Variants in NBAS observed in about 807,000 individuals in gnomAD.
The protein encoded by NBAS is NBAS subunit of NRZ tethering complex.
Under a neutral mutation model 302.5 loss-of-function variants are expected in NBAS, and 219 were observed. The observed-to-expected ratio is 0.72, with a 90% CI of 0.65 to 0.81. The LOEUF is 0.81. Among genes scored for constraint, NBAS ranks in the 30% least tolerant of loss-of-function variants. The pLI is 0.00. For missense variants in NBAS, 2,932 were observed against 2,841.6 expected (o/e 1.03, Z -0.72); for synonymous variants, 1,118 against 1,021.6 (o/e 1.09, Z -1.80).
Position 15,553,955 on chromosome 2 carries a change from C to T in NBAS, c.287+106G>A, listed in dbSNP as rs924178024. ...TATTTGCAACAAAGAAATTTACACA[C>T]AATAAAAATCAAGACTGAAAGCCAC... On this transcript the variant is annotated intron_variant, in intron 4 of 51. Transcript: ENST00000281513. The T allele has an allele frequency of 1.2e-5, 11 of 903,290 alleles. No homozygotes were observed. The African/African-American group carries it at 1.8e-4, about 15-fold the overall frequency. The allele number at this position is 903,290 out of a possible 1,614,324, so 56.0% of individuals were successfully genotyped here.
At chr2:14,943,250 T>C in the NBAS span, among the ~76,000 whole-genome samples, 9 of 152,254 alleles carry the variant, frequency 5.9e-5, no homozygotes, top group Non-Finnish European at 1.2e-4. Flanking sequence ...CAAGCTTTAC[T>C]ACATCTGCAT....
At chr2:15,106,143 C>G in the NBAS span, among the ~76,000 whole-genome samples, 1 of 152,120 alleles carries the variant, frequency 6.6e-6, no homozygotes, top group African/African-American at 2.4e-5. Flanking sequence ...AAATGCTGAA[C>G]ATGAATTTGG....
At chr2:15,025,495 T>A in the NBAS span, among the ~76,000 whole-genome samples, 1 of 152,226 alleles carries the variant, frequency 6.6e-6, no homozygotes, top group Admixed American at 6.5e-5. Context: ...TCTAGTTCTG[T>A]GAAGAATGTC....
the NBAS span, among the ~76,000 whole-genome samples, chr2:14,823,043 G>A: frequency 1.3e-5 from 2 of 152,178 alleles, no homozygotes; most frequent in East Asian, 3.9e-4. Context: ...ATAGTGTTCT[G>A]TCACAAGCTG....
chr2:15,152,016 T>G, the NBAS span, among the ~76,000 whole-genome samples: 1 of 151,942 alleles, frequency 6.6e-6, no homozygotes, highest in Non-Finnish European at 1.5e-5. Context: ...CCCACCTAAT[T>G]TTTGCATTTT....
chr2:15,531,291 A>C lies in NBAS; in HGVS notation c.746+3252T>G, dbSNP rs566293415. Among the ~76,000 whole-genome samples, 47 of 152,316 alleles carry C rather than the reference A, an allele frequency of 3.1e-4. No individual in the cohort carries two copies. The South Asian group carries it at 9.1e-3, about 30-fold the overall frequency. ...GAAGCCATCTTCTGGATAACGGTGA[A>C]GTGAAATTCCAAGACAATAGCTATA... On this transcript the variant is annotated intron_variant, in intron 9 of 51. Transcript: ENST00000281513.
chr2:15,513,819 T>A (rs144474047), intron 9 of NBAS, among the ~76,000 whole-genome samples: 3 of 149,298 alleles, frequency 2.0e-5, no homozygotes, highest in African/African-American at 4.9e-5. Context: ...TGAGATCTCA[T>A]CTCTACAAAA....
chr2:15,062,541 A>G, the NBAS span, among the ~76,000 whole-genome samples: 244 of 152,328 alleles, frequency 1.6e-3, 2 homozygotes, highest in South Asian at 0.02. Context: ...CAATGTATCA[A>G]TGATTTTCTT....
At chr2:14,863,577 A>G in the NBAS span, among the ~76,000 whole-genome samples, 44,601 of 151,830 alleles carry the variant, frequency 0.29, 7,051 homozygotes, top group East Asian at 0.4. Flanking sequence ...CTGTTTCACT[A>G]TTTTTGTGGT....
chr2:15,303,520 T>G (rs1436505948), intron 40 of NBAS, among the ~76,000 whole-genome samples: 1 of 152,190 alleles, frequency 6.6e-6, no homozygotes, highest in Non-Finnish European at 1.5e-5. Flanking sequence ...CCTTCAGTAT[T>G]TTGCTTTATT....
chr2:15,095,969 C>G, the NBAS span, among the ~76,000 whole-genome samples: 1 of 152,212 alleles, frequency 6.6e-6, no homozygotes, highest in South Asian at 2.1e-4. Context: ...CCCAGCTTCC[C>G]TGGTGCCAGA....
the NBAS span, among the ~76,000 whole-genome samples, chr2:14,856,889 T>C: frequency 6.6e-6 from 1 of 152,228 alleles, no homozygotes; most frequent in Non-Finnish European, 1.5e-5. Flanking sequence ...AAATTATCCT[T>C]GTTTGCTGAT....
chr2:15,179,583 G>T, intron 50 of NBAS: 1 of 158,326 alleles, frequency 6.3e-6, no homozygotes, highest in Non-Finnish European at 1.4e-5. Context: ...ATTATCAATT[G>T]CTAATATTGT....
At chr2:15,474,969 T>C (rs1052152320) in intron 14 of NBAS, among the ~76,000 whole-genome samples, 3 of 152,202 alleles carry the variant, frequency 2.0e-5, no homozygotes, top group Admixed American at 1.3e-4. Flanking sequence ...AGAATGAACA[T>C]AAAGGTACTT....
chr2:15,446,070 A>G (rs1678723279), intron 21 of NBAS, among the ~76,000 whole-genome samples: 4 of 151,894 alleles, frequency 2.6e-5, no homozygotes, highest in Non-Finnish European at 5.9e-5. Context: ...CAACATACAT[A>G]TAATAGGAGT....
At chr2:15,413,735 T>C (rs150390305) in intron 25 of NBAS, among the ~76,000 whole-genome samples, 3 of 152,238 alleles carry the variant, frequency 2.0e-5, no homozygotes, top group South Asian at 2.1e-4. Flanking sequence ...TCAGCAACGG[T>C]CAGTCACTGA....
At chr2:15,507,740 C>T (rs1246662597) in intron 10 of NBAS, among the ~76,000 whole-genome samples, 3 of 152,154 alleles carry the variant, frequency 2.0e-5, no homozygotes, top group Non-Finnish European at 4.4e-5. Flanking sequence ...CCATATGCAG[C>T]GAATCCCTTG....
chr2:15,155,889 A>G, the NBAS span, among the ~76,000 whole-genome samples: 1 of 152,202 alleles, frequency 6.6e-6, no homozygotes, highest in Non-Finnish European at 1.5e-5. Flanking sequence ...AATCAATAAC[A>G]ACTCATCACC....
At chr2:15,226,938 A>G (rs1667173975) in intron 47 of NBAS, among the ~76,000 whole-genome samples, 1 of 152,104 alleles carries the variant, frequency 6.6e-6, no homozygotes, top group Non-Finnish European at 1.5e-5. Flanking sequence ...TAGAACTTCT[A>G]GTGTGATGTG....
Sources: allele counts gnomAD v4.1 joint callset (sites outside exome capture counted in the v4.1 genomes callset), GRCh38; gene constraint gnomAD v4.1.1; transcripts MANE v1.5; gene names NCBI Gene and HGNC (gene_info 2026-07-23, HGNC 2026-07-21).